HFM1: variants seen among roughly 807,000 people sequenced by gnomAD.
HFM1 encodes the protein probable ATP-dependent DNA helicase HFM1.
HFM1 carries 169 observed loss-of-function variants against 192.1 expected under a neutral mutation model. The observed-to-expected ratio is 0.88, with a 90% CI of 0.78 to 1.00. The LOEUF (loss-of-function observed/expected upper bound fraction) is 1.00. HFM1 is among the 50% of genes least tolerant of loss of function. The pLI, the probability that HFM1 is intolerant of heterozygous loss-of-function variation, is 0.00. For synonymous variants in HFM1, 525 were observed against 537.8 expected, an observed-to-expected ratio of 0.98 and a Z score of 0.33; for missense variants, 1,661 against 1,668.0, an observed-to-expected ratio of 1.00 and a Z score of 0.07.
At chr1:91,290,307 T>C (rs1403691829) in intron 30 of HFM1, among the ~76,000 whole-genome samples, 1 of 152,044 alleles carries the variant, frequency 6.6e-6, no homozygotes, top group Non-Finnish European at 1.5e-5. Flanking sequence ...AGGAAACCCA[T>C]CTCACAGGCA....
At chr1:91,305,998 G>C (rs948619945) in intron 30 of HFM1, among the ~76,000 whole-genome samples, 1 of 151,934 alleles carries the variant, frequency 6.6e-6, no homozygotes, top group Non-Finnish European at 1.5e-5. Flanking sequence ...TTTTACTATC[G>C]AGTATGACAT....
intron 30 of HFM1, among the ~76,000 whole-genome samples, chr1:91,285,930 A>G (rs1034431692): frequency 1.3e-5 from 2 of 152,122 alleles, no homozygotes; most frequent in Non-Finnish European, 2.9e-5. Flanking sequence ...TAGGTGTCTC[A>G]ATGATCAAAT....
chr1:91,278,731 G>A (rs1354010770), intron 30 of HFM1, among the ~76,000 whole-genome samples: 1 of 152,092 alleles, frequency 6.6e-6, no homozygotes. Context: ...CCTTAGAGCT[G>A]AACAGATCAA....
intron 11 of HFM1, 34 bp from the exon 12 acceptor site, chr1:91,375,761 T>G (rs1267361231): frequency 6.3e-7 from 1 of 1,591,068 alleles, no homozygotes; most frequent in East Asian, 2.2e-5. Flanking sequence ...ATTAAAATTT[T>G]CTTCTAGTAA....
chr1:91,357,781 T>C (rs1657946904), intron 13 of HFM1, among the ~76,000 whole-genome samples: 1 of 152,158 alleles, frequency 6.6e-6, no homozygotes, highest in African/African-American at 2.4e-5. Flanking sequence ...ATACAGAGAT[T>C]AGTAGCATTT....
rs186936611 is a variant in HFM1 at position 91,354,215 on chromosome 1, A to T, written c.1686-916T>A. Reference sequence around the variant, plus strand: ...GAAATCAAAAATAGAGAGCTTCAACAGCAAACCAAAACAAGCAGAAGAAAG... The same window carrying T: ...GAAATCAAAAATAGAGAGCTTCAACTGCAAACCAAAACAAGCAGAAGAAAG... On this transcript the variant is annotated intron_variant, in intron 13 of 38. Coordinates refer to ENST00000370425, the MANE Select transcript of HFM1 (RefSeq NM_001017975.6). 2.5e-3 allele frequency among the ~76,000 whole-genome samples: 381 copies of T among 151,936 alleles called. 8 individuals are homozygous for T. The highest frequency in any genetic ancestry group is 3.1e-4 in the Non-Finnish European group (21 of 67,858).
At chr1:91,368,832 G>C (rs539290562) in intron 13 of HFM1, among the ~76,000 whole-genome samples, 35 of 152,264 alleles carry the variant, frequency 2.3e-4, no homozygotes, top group African/African-American at 7.9e-4. Context: ...AGACCCATCA[G>C]TGTGCTGTAT....
At chr1:91,396,512 TTAAC>T (rs1663681505) in intron 2 of HFM1, 107 bp from the exon 3 acceptor site, 1 of 592,650 alleles carries the variant, frequency 1.7e-6, no homozygotes, top group Non-Finnish European at 2.9e-6. Flanking sequence ...ATTCTATAAA[TTAAC>T]TTTCTGTCAG....
intron 13 of HFM1, among the ~76,000 whole-genome samples, chr1:91,368,787 A>G (rs1268467092): frequency 6.6e-6 from 1 of 152,230 alleles, no homozygotes; most frequent in Non-Finnish European, 1.5e-5. Context: ...TGCTCCAATT[A>G]AAAGACACAG....
intron 34 of HFM1, among the ~76,000 whole-genome samples, chr1:91,270,026 G>A (rs1431435717): frequency 6.6e-6 from 1 of 152,030 alleles, no homozygotes; most frequent in African/African-American, 2.4e-5. Context: ...TATAGGTAAA[G>A]GATAACTATT....
intron 11 of HFM1, among the ~76,000 whole-genome samples, chr1:91,376,938 T>C (rs993890402): frequency 3.3e-5 from 5 of 151,780 alleles, no homozygotes; most frequent in African/African-American, 1.2e-4. Context: ...TAATCATGGA[T>C]GTTTCAGATA....
intron 30 of HFM1, among the ~76,000 whole-genome samples, chr1:91,289,829 C>T (rs530403273): frequency 2.0e-5 from 3 of 151,828 alleles, no homozygotes; most frequent in Admixed American, 1.3e-4. Context: ...AGCCTCAGCT[C>T]AGCATCAGAG....
At chr1:91,368,171 C>T (rs1008645209) in intron 13 of HFM1, among the ~76,000 whole-genome samples, 1 of 152,206 alleles carries the variant, frequency 6.6e-6, no homozygotes, top group African/African-American at 2.4e-5. Context: ...GGAAAACTCT[C>T]TGCAGGATAT....
At chr1:91,332,466 A>G (rs188180187) in intron 20 of HFM1, among the ~76,000 whole-genome samples, 1 of 152,354 alleles carries the variant, frequency 6.6e-6, no homozygotes, top group East Asian at 1.9e-4. Context: ...AAATGGATTA[A>G]AGACTTAAAT....
At chr1:91,293,942 C>T (rs1257404389) in intron 30 of HFM1, among the ~76,000 whole-genome samples, 3 of 149,548 alleles carry the variant, frequency 2.0e-5, no homozygotes, top group Non-Finnish European at 3.0e-5. Context: ...AGCAAACTAT[C>T]GCAAGAACAA....
In HFM1 at chr1:91,379,072, C is replaced by A; in HGVS notation, c.1149G>T (p.Met383Ile). 1 of 1,562,184 alleles carries A rather than the reference C, an allele frequency of 6.4e-7. No homozygotes were observed. The highest frequency in any genetic ancestry group is 8.7e-7 in the Non-Finnish European group (1 of 1,153,968). ...LFEIQHAHIIMTTPEKWDSMT... is the reference protein window; with the variant it reads ...LFEIQHAHIIITTPEKWDSMT... The stretch of plus-strand genomic sequence containing the variant: ...TATAAATAATACCTACTGGAGTTGT[C>A]ATAATAATATGGGCATGCTGAATCT... The change falls in exon 9 of 39, where the codon ATG becomes ATT. Residue 383 changes from methionine (M) to isoleucine (I), a missense_variant. Transcript: ENST00000370425.
At position 91,288,696 on chromosome 1, in the gene HFM1, A is replaced by G. The variant is rs191074598; in HGVS notation, c.3392-11634T>C. Among the ~76,000 whole-genome samples, 59 of 152,256 alleles carry G rather than the reference A, an allele frequency of 3.9e-4. No individual in the cohort carries two copies. The East Asian group carries it at 0.011, about 29-fold the overall frequency. On this transcript the variant is annotated intron_variant, in intron 30 of 38. Transcript: ENST00000370425. Reference sequence around the variant, plus strand: ...CGTTTGAGAGCACAGGGTTGGGGGTAAGGTTATAGATTAACAGCATCCCAA... The same window carrying G: ...CGTTTGAGAGCACAGGGTTGGGGGTGAGGTTATAGATTAACAGCATCCCAA...
chr1:91,286,993 C>G (rs552951618), intron 30 of HFM1, among the ~76,000 whole-genome samples: 1 of 152,194 alleles, frequency 6.6e-6, no homozygotes, highest in East Asian at 1.9e-4. Flanking sequence ...TATCCCGCAC[C>G]TGGCTCAGAG....
intron 30 of HFM1, among the ~76,000 whole-genome samples, chr1:91,284,503 T>C (rs1250828689): frequency 6.6e-6 from 1 of 152,146 alleles, no homozygotes; most frequent in Non-Finnish European, 1.5e-5. Context: ...CTGCCTGCCT[T>C]CGGCCTCCCA....
Sources: gnomAD v4.1 joint callset for allele counts (sites outside exome capture counted in the v4.1 genomes callset) on GRCh38, gnomAD v4.1.1 for gene constraint, MANE v1.5 for transcripts, NCBI Gene and HGNC (gene_info 2026-07-23, HGNC 2026-07-21) for gene names.